Variants in RCBTB2 observed in about 807,000 individuals in gnomAD.
The protein encoded by RCBTB2 is RCC1 and BTB domain-containing protein 2.
In RCBTB2, 55 loss-of-function variants were observed where a neutral mutation model predicts 65.4. The ratio of observed to expected loss-of-function variants is 0.84; its 90% confidence interval spans 0.68 to 1.05. RCBTB2 has a LOEUF of 1.05. Among genes scored for constraint, RCBTB2 ranks in the 50% least tolerant of loss-of-function variants. The pLI, the probability that RCBTB2 is intolerant of heterozygous loss-of-function variation, is 0.00. For synonymous variants in RCBTB2, 220 were observed against 255.2 expected (o/e 0.86, Z 1.31); for missense variants, 599 against 680.1 (o/e 0.88, Z 1.33).
chr13:48,525,110 T>C (rs1321364047), intron 1 of RCBTB2, among the ~76,000 whole-genome samples: 4 of 151,744 alleles, frequency 2.6e-5, no homozygotes, highest in African/African-American at 9.7e-5. Flanking sequence ...AGCAAAACTT[T>C]CAAACTTTTA....
chr13:48,493,323 T>C (rs867994643), intron 14 of RCBTB2, among the ~76,000 whole-genome samples: 6 of 121,304 alleles, frequency 4.9e-5, no homozygotes, highest in African/African-American at 2.8e-4. Flanking sequence ...ACACTCTCTC[T>C]CTCTCTCTCT....
At chr13:48,532,530 G>A (rs1414499083) in intron 1 of RCBTB2, 1 of 168,232 alleles carries the variant, frequency 5.9e-6, no homozygotes, top group Non-Finnish European at 1.3e-5. Flanking sequence ...GGTTAGGAGG[G>A]AGAAACTTCA....
At chr13:48,535,614 ACTCCT>A, upstream of RCBTB2, 1 of 453,924 alleles carries the variant, frequency 2.2e-6, no homozygotes, top group Non-Finnish European at 4.4e-6. Flanking sequence ...CTCCATTGAA[ACTCCT>A]CTTGGCAAAG....
At chr13:48,512,565 A>G (rs574672737) in intron 7 of RCBTB2, among the ~76,000 whole-genome samples, 164 bp downstream of exon 7, 1 of 152,240 alleles carries the variant, frequency 6.6e-6, no homozygotes, top group South Asian at 2.1e-4. Flanking sequence ...CGTACAGGTA[A>G]ATGTCACAAC....
intron 11 of RCBTB2, 126 bp from the exon 12 acceptor site, chr13:48,501,994 G>T: frequency 1.5e-6 from 1 of 673,284 alleles, no homozygotes; most frequent in Non-Finnish European, 2.3e-6. Flanking sequence ...GAGCAACTGA[G>T]CAATGGATTT....
At chr13:48,493,558 C>G (rs1486307632) in intron 14 of RCBTB2, among the ~76,000 whole-genome samples, 1 of 152,024 alleles carries the variant, frequency 6.6e-6, no homozygotes, top group East Asian at 1.9e-4. Context: ...TGCACCTCCA[C>G]CGCACCATCT....
intron 10 of RCBTB2, among the ~76,000 whole-genome samples, chr13:48,507,056 T>C (rs1224717234): frequency 6.6e-6 from 1 of 152,194 alleles, no homozygotes; most frequent in African/African-American, 2.4e-5. Context: ...AGTGGGACAC[T>C]ACTCTCTAGA....
chr13:48,507,647 G>A (rs1439981231), intron 10 of RCBTB2, among the ~76,000 whole-genome samples: 1 of 152,208 alleles, frequency 6.6e-6, no homozygotes, highest in East Asian at 1.9e-4. Flanking sequence ...ATCTGTGAGG[G>A]AGAAGAATAT....
chr13:48,510,835 G>A (rs1950749901), intron 9 of RCBTB2, 64 bp from the exon 10 acceptor site: 1 of 1,507,414 alleles, frequency 6.6e-7, no homozygotes, highest in African/African-American at 1.4e-5. Flanking sequence ...CTTCCACAAA[G>A]TAGGTTAAGA....
At chr13:48,532,799 C>T (rs993713823) in intron 1 of RCBTB2, 6 of 330,512 alleles carry the variant, frequency 1.8e-5, no homozygotes, top group East Asian at 1.1e-4. Flanking sequence ...CTGGGTGTAG[C>T]CCCGGAACCT....
intron 10 of RCBTB2, chr13:48,504,330 CA>C: frequency 1.0e-6 from 1 of 985,436 alleles, no homozygotes; most frequent in South Asian, 4.7e-5. Flanking sequence ...GACATAACTC[CA>C]TCCATGATTT....
chr13:48,511,745 G>C, intron 9 of RCBTB2, 25 bp downstream of exon 9: 1 of 1,573,526 alleles, frequency 6.4e-7, no homozygotes. Context: ...AAAAATACAC[G>C]CACACAAACT....
At chr13:48,492,203 C>T (rs1015827340) in intron 14 of RCBTB2, among the ~76,000 whole-genome samples, 1 of 152,160 alleles carries the variant, frequency 6.6e-6, no homozygotes, top group Non-Finnish European at 1.5e-5. Context: ...CTCCCCACCA[C>T]GTCTCCTTGC....
At chr13:48,528,134 C>A (rs1415035377) in intron 1 of RCBTB2, among the ~76,000 whole-genome samples, 3 of 152,120 alleles carry the variant, frequency 2.0e-5, no homozygotes, top group African/African-American at 7.2e-5. Context: ...TACATGAGAG[C>A]AAACAGAATA....
intron 13 of RCBTB2, among the ~76,000 whole-genome samples, chr13:48,498,098 C>T (rs1307938377): frequency 1.3e-5 from 2 of 152,168 alleles, no homozygotes; most frequent in Non-Finnish European, 2.9e-5. Flanking sequence ...ATGTGCAGAC[C>T]CCCTGGCCCA....
intron 14 of RCBTB2, among the ~76,000 whole-genome samples, chr13:48,494,446 A>G (rs536380868): frequency 6.6e-6 from 1 of 152,288 alleles, no homozygotes; most frequent in South Asian, 2.1e-4. Flanking sequence ...TCTATAGGCA[A>G]AACTGAACAT....
rs1483026433 is a variant in RCBTB2 at position 48,493,307 on chromosome 13, A to ACTCTCTCT, written c.1515+2883_1515+2884insAGAGAGAG. The stretch of plus-strand genomic sequence containing the variant: ...TCTCTCTCCACACACACACACACAC[A>ACTCTCTCT]CACACACACTCTCTCTCTCTCTCTC... On this transcript the variant is annotated intron_variant, in intron 14 of 14. Coordinates refer to ENST00000344532, the MANE Select transcript of RCBTB2 (RefSeq NM_001268.4). Among the ~76,000 whole-genome samples, 79 of 63,144 alleles carry ACTCTCTCT rather than the reference A, an allele frequency of 1.3e-3. 1 individual carries two copies. Among genetic ancestry groups the ACTCTCTCT allele is most frequent in the Non-Finnish European group, 2.2e-3 (68 of 30,824 alleles). 41.4% of individuals were successfully genotyped at this position (63,144 alleles called of 152,430 possible). A position where few individuals can be genotyped will look rare whatever the true frequency, so the allele number is the denominator to read the frequency against.
chr13:48,499,445 T>A (rs1359283418), intron 13 of RCBTB2, among the ~76,000 whole-genome samples, 176 bp downstream of exon 13: 1 of 152,222 alleles, frequency 6.6e-6, no homozygotes, highest in African/African-American at 2.4e-5. Flanking sequence ...CTCTCTTATC[T>A]GTCCAGTCAA....
Position 48,502,861 on chromosome 13 carries a change from T to C in RCBTB2, c.980A>G (p.Gln327Arg). ...HSTHTSAAKT[Q>R]GGHVYMWGQC... ...GCCCCACATGTACACGTGCCCACCC[T>C]GCGTCTTGGCCGCAGACGTGTGTGT... Residue 327 changes from glutamine (Q) to arginine (R), a missense_variant, in exon 11 of 15, where the codon CAG becomes CGG. Physicochemically the swap from Gln to Arg is conservative, Grantham distance 43 (BLOSUM62 1). Transcript: ENST00000344532. 1 of 1,614,112 alleles carries C rather than the reference T, an allele frequency of 6.2e-7. No individual in the cohort carries two copies. Among genetic ancestry groups the C allele is most frequent in the South Asian group, 1.1e-5 (1 of 91,082 alleles).
Sources: allele counts gnomAD v4.1 joint callset (sites outside exome capture counted in the v4.1 genomes callset), GRCh38; gene constraint gnomAD v4.1.1; transcripts MANE v1.5; gene names NCBI Gene and HGNC (gene_info 2026-07-23, HGNC 2026-07-21).